The following IL27RA variants were observed in gnomAD, a reference collection of about 807,000 sequenced individuals.
The protein encoded by IL27RA is interleukin-27 receptor subunit alpha.
In IL27RA, 61 loss-of-function variants were observed where a neutral mutation model predicts 80.8. That is an observed-to-expected ratio of 0.76 (90% CI 0.61 to 0.93). The LOEUF (loss-of-function observed/expected upper bound fraction) is 0.93. IL27RA is among the 40% of genes least tolerant of loss of function. IL27RA has a pLI of 0.00. For missense variants in IL27RA, 735 were observed against 808.1 expected (o/e 0.91, Z 1.10); for synonymous variants, 316 against 332.5 (o/e 0.95, Z 0.54).
chr19:14,046,169 G>A lies in IL27RA; in HGVS notation c.784G>A (p.Val262Met). ...CATCTCTCAGGCCCCAGGGCCCTGTGTGCAGGTGAGCTACAAAGTCTGGTT... is the reference window on the plus strand; with the variant it reads ...CATCTCTCAGGCCCCAGGGCCCTGTATGCAGGTGAGCTACAAAGTCTGGTT... ...LLLWKAPGPCVQVSYKVWFWV... is the reference protein window; with the variant it reads ...LLLWKAPGPCMQVSYKVWFWV... The change falls in exon 7 of 14, where the codon GTG becomes ATG. Residue 262 changes from valine to methionine, a missense_variant. By Grantham distance (21) the Val-to-Met change is conservative (BLOSUM62 1). Coordinates refer to ENST00000263379, the MANE Select transcript of IL27RA (RefSeq NM_004843.4). The A allele has an allele frequency of 6.2e-7, 1 of 1,614,142 alleles. No homozygotes were observed. Among genetic ancestry groups the A allele is most frequent in the Non-Finnish European group, 8.5e-7 (1 of 1,179,984 alleles).
chr19:14,049,438 C>A, intron 10 of IL27RA, 124 bp downstream of exon 10: 2 of 861,748 alleles, frequency 2.3e-6, no homozygotes, highest in Non-Finnish European at 3.4e-6. Context: ...GTCCTCAATT[C>A]CCTCTTGGCT....
chr19:14,031,992 C>A lies in IL27RA; in HGVS notation c.100+20C>A, dbSNP rs746346405. 1 of 1,589,220 alleles carries A rather than the reference C, an allele frequency of 6.3e-7. No individual in the cohort carries two copies. Among genetic ancestry groups the A allele is most frequent in the Non-Finnish European group, 8.6e-7 (1 of 1,164,518 alleles). ...CCCAGGGTGAGTGCTGGAGGGAGCT[C>A]GTGTCCCGGGCGCTGCCGCTGCGCT... On this transcript the variant is annotated intron_variant, in intron 1 of 13. Transcript: ENST00000263379.
chr19:14,036,672 A>G (rs1975905900), intron 2 of IL27RA, among the ~76,000 whole-genome samples: 1 of 151,900 alleles, frequency 6.6e-6, no homozygotes, highest in South Asian at 2.1e-4. Context: ...TATTTTTAGT[A>G]GAGCCGAGTT....
At chr19:14,046,122 G>C in intron 6 of IL27RA, 32 bp from the exon 7 acceptor site, 1 of 1,587,086 alleles carries the variant, frequency 6.3e-7, no homozygotes, top group Non-Finnish European at 8.6e-7. Flanking sequence ...ATTAATGGGA[G>C]ACATTAACCC....
chr19:14,034,824 GC>G lies in IL27RA; in HGVS notation c.218+2322del, dbSNP rs747946368. On this transcript the variant is annotated intron_variant, in intron 2 of 13. Coordinates refer to ENST00000263379, the MANE Select transcript of IL27RA (RefSeq NM_004843.4). ...AAAAATTAGCTGGGCGTGGTGGCTGGCGCCTGTAGTCCCAGCTACTCAGGAG... is the reference window on the plus strand; with the variant it reads ...AAAAATTAGCTGGGCGTGGTGGCTGGGCCTGTAGTCCCAGCTACTCAGGAG... Among the ~76,000 whole-genome samples the G allele has an allele frequency of 2.9e-3, 441 of 150,784 alleles. 1 individual carries two copies. The highest frequency in any genetic ancestry group is 4.4e-3 in the Admixed American group (66 of 15,124).
In IL27RA at chr19:14,052,279, G is replaced by A. The variant is rs1366272232; in HGVS notation, c.1900G>A (p.Val634Ile). ...LGLLGPPRPQ[V>I]LA ...CCTTCTGGGGCCCCCCAGGCCACAG[G>A]TTCTGGCCTGAACCACACGTCTGGC... The change falls in exon 14 of 14, where the codon GTT (valine) becomes ATT (isoleucine). Residue 634 changes from valine (V) to isoleucine (I), a missense_variant. Coordinates refer to ENST00000263379, the MANE Select transcript of IL27RA (RefSeq NM_004843.4). 6.6e-7 allele frequency: 1 copy of A among 1,516,106 alleles called. No individual in the cohort carries two copies. The highest frequency in any genetic ancestry group is 8.8e-7 in the Non-Finnish European group (1 of 1,134,998). 93.9% of individuals were successfully genotyped at this position (1,516,106 alleles called of 1,614,324 possible).
intron 11 of IL27RA, 99 bp downstream of exon 11, chr19:14,050,982 C>T (rs1568504310): frequency 3.9e-6 from 5 of 1,298,414 alleles, no homozygotes; most frequent in Non-Finnish European, 5.3e-6. Context: ...GGTGCAGTGG[C>T]TCACCCCTGT....
At chr19:14,045,882 G>A (rs536028015) in intron 6 of IL27RA, among the ~76,000 whole-genome samples, 2 of 151,776 alleles carry the variant, frequency 1.3e-5, no homozygotes, top group South Asian at 2.1e-4. Context: ...AAAATTAGCC[G>A]GGCGTGATGG....
In IL27RA at chr19:14,046,536, G is replaced by A. The variant is rs1976069134; in HGVS notation, c.1059G>A (p.Val353=). ...PGPGEPLEHV[V]DWARDGDPLE... ...CTGGGGAACCACTGGAGCATGTAGTGGACTGGGCTCGAGATGGGGACCCCC... is the reference window on the plus strand; with the variant it reads ...CTGGGGAACCACTGGAGCATGTAGTAGACTGGGCTCGAGATGGGGACCCCC... Residue 353 remains valine (V), a synonymous_variant, in exon 8 of 14, where the codon GTG becomes GTA. Transcript: ENST00000263379. 4 of 1,613,992 alleles carry A rather than the reference G, an allele frequency of 2.5e-6. No homozygotes were observed. The highest frequency in any genetic ancestry group is 1.1e-5 in the South Asian group (1 of 91,082).
intron 6 of IL27RA, among the ~76,000 whole-genome samples, chr19:14,043,573 C>T (rs1439161451): frequency 2.0e-5 from 3 of 151,206 alleles, no homozygotes; most frequent in South Asian, 2.1e-4. Flanking sequence ...ACAGGTGCCC[C>T]CCCACCACGC....
intron 12 of IL27RA, 42 bp downstream of exon 12, chr19:14,051,742 G>C (rs368714657): frequency 3.6e-5 from 54 of 1,501,738 alleles, no homozygotes; most frequent in Non-Finnish European, 4.6e-5. Context: ...ACGTGGGGAA[G>C]GCAGCTGGGC....
At chr19:14,045,474 G>A (rs1210986007) in intron 6 of IL27RA, among the ~76,000 whole-genome samples, 5 of 151,316 alleles carry the variant, frequency 3.3e-5, no homozygotes, top group South Asian at 2.1e-4. Flanking sequence ...GGTGGCAGGC[G>A]CCTGTAGTCC....
At chr19:14,049,338 T>C in intron 10 of IL27RA, 24 bp downstream of exon 10, 1 of 1,602,582 alleles carries the variant, frequency 6.2e-7, no homozygotes, top group East Asian at 2.2e-5. Context: ...CCTGCTGACC[T>C]GTCCTCCCAG....
At chr19:14,038,121 C>A (rs146865332) in intron 2 of IL27RA, among the ~76,000 whole-genome samples, 109 of 152,014 alleles carry the variant, frequency 7.2e-4, no homozygotes, top group African/African-American at 2.6e-3. Flanking sequence ...TGAGCCACTG[C>A]ACCTGGCCTG....
At chr19:14,051,839 G>A in intron 12 of IL27RA, 41 bp from the exon 13 acceptor site, 1 of 1,508,732 alleles carries the variant, frequency 6.6e-7, no homozygotes, top group South Asian at 1.2e-5. Flanking sequence ...GGGGCATCTG[G>A]CCATCTGGAT....
At position 14,052,436 on chromosome 19, in the gene IL27RA, C is replaced by G; in HGVS notation, c.*146C>G. 1 of 628,538 alleles carries G rather than the reference C, an allele frequency of 1.6e-6. No individual in the cohort carries two copies. The allele number at this position is 628,538 out of a possible 1,614,324, so 38.9% of individuals were successfully genotyped here. On this transcript the variant is annotated 3_prime_UTR_variant, in exon 14 of 14. Transcript: ENST00000263379. ...ACTTACCTGAGGACACCCAGCCAGGCAGAGCTGGGATTGAAGGACCCCTAT... is the reference window on the plus strand; with the variant it reads ...ACTTACCTGAGGACACCCAGCCAGGGAGAGCTGGGATTGAAGGACCCCTAT...
chr19:14,044,053 A>C (rs1365680360), intron 6 of IL27RA, among the ~76,000 whole-genome samples: 2 of 148,478 alleles, frequency 1.3e-5, no homozygotes, highest in Non-Finnish European at 3.0e-5. Flanking sequence ...TGTCTCACAA[A>C]AAAAAAAAAA....
intron 8 of IL27RA, 113 bp from the exon 9 acceptor site, chr19:14,048,868 C>A: frequency 1.1e-6 from 1 of 899,706 alleles, no homozygotes. Context: ...AAATGACTTA[C>A]AGTCAGATCC....
chr19:14,044,625 A>G (rs1324692218), intron 6 of IL27RA, among the ~76,000 whole-genome samples: 3 of 152,044 alleles, frequency 2.0e-5, no homozygotes, highest in Admixed American at 6.6e-5. Flanking sequence ...AACCAAGACC[A>G]GGGTTAGGGA....
Sources: gnomAD v4.1 joint callset for allele counts (sites outside exome capture counted in the v4.1 genomes callset) on GRCh38, gnomAD v4.1.1 for gene constraint, MANE v1.5 for transcripts, NCBI Gene and HGNC (gene_info 2026-07-23, HGNC 2026-07-21) for gene names.